The following ADGB variants were observed in gnomAD, a reference collection of about 807,000 sequenced individuals.
ADGB encodes the protein androglobin, also known as calpain-7-like protein.
In ADGB, 172 loss-of-function variants were observed where a neutral mutation model predicts 210.5. The ratio of observed to expected loss-of-function variants is 0.82; its 90% confidence interval spans 0.72 to 0.93. The LOEUF is 0.93. Among genes scored for constraint, ADGB ranks in the 40% least tolerant of loss-of-function variants. The probability of loss-of-function intolerance (pLI) is 0.00; values close to 1 mark genes in which losing one functional copy is unlikely to be tolerated. For missense variants in ADGB, 2,025 were observed against 1,964.8 expected (o/e 1.03, Z -0.58); for synonymous variants, 658 against 662.7 (o/e 0.99, Z 0.11).
At chr6:146,650,597 C>CAAAAAAAAAAAAAA (rs57913607) in intron 3 of ADGB, among the ~76,000 whole-genome samples, 1 of 36,534 alleles carries the variant, frequency 2.7e-5, no homozygotes, top group African/African-American at 1.3e-4. Context: ...TCCCTCCCAC[C>CAAAAAAAAAAAAAA]AAAAAAAAAA....
chr6:146,697,323 A>T (rs771636971), intron 12 of ADGB, among the ~76,000 whole-genome samples: 2 of 152,224 alleles, frequency 1.3e-5, no homozygotes, highest in Non-Finnish European at 2.9e-5. Flanking sequence ...TTAATGCAGC[A>T]ATAGGTGGCT....
intron 1 of ADGB, among the ~76,000 whole-genome samples, chr6:146,624,993 T>A (rs1780951627): frequency 6.6e-6 from 1 of 151,958 alleles, no homozygotes; most frequent in African/African-American, 2.4e-5. Flanking sequence ...TAAATTATGG[T>A]TTATCTTGAT....
intron 29 of ADGB, among the ~76,000 whole-genome samples, chr6:146,780,267 G>A (rs1293724725): frequency 6.6e-6 from 1 of 151,822 alleles, no homozygotes; most frequent in African/African-American, 2.4e-5. Context: ...GAATTAAAAA[G>A]TAAACAGTAG....
At chr6:146,673,363 T>C (rs945368897) in intron 8 of ADGB, among the ~76,000 whole-genome samples, 2 of 152,176 alleles carry the variant, frequency 1.3e-5, no homozygotes, top group African/African-American at 4.8e-5. Context: ...GCCTTGTTAT[T>C]CTTAAGATGG....
At chr6:146,646,913 A>C (rs7747164) in intron 3 of ADGB, among the ~76,000 whole-genome samples, 47,105 of 151,678 alleles carry the variant, frequency 0.31, 8,139 homozygotes, top group Middle Eastern at 0.41. Flanking sequence ...ACATGGCAAA[A>C]TTCCATCTCC....
chr6:146,690,097 A>G (rs1195634522), intron 10 of ADGB, among the ~76,000 whole-genome samples: 2 of 152,160 alleles, frequency 1.3e-5, no homozygotes, highest in African/African-American at 2.4e-5. Context: ...TAAAATTATT[A>G]TCCTGATCTT....
At chr6:146,604,840 C>A (rs375379364) in intron 1 of ADGB, among the ~76,000 whole-genome samples, 2 of 152,034 alleles carry the variant, frequency 1.3e-5, no homozygotes, top group African/African-American at 4.8e-5. Flanking sequence ...AGGAATCATG[C>A]GTTGGTGTGG....
intron 27 of ADGB, 58 bp downstream of exon 27, chr6:146,752,772 A>C: frequency 7.1e-7 from 1 of 1,400,874 alleles, no homozygotes. Context: ...TTATGTTTTC[A>C]TGACACTTTA....
intron 27 of ADGB, among the ~76,000 whole-genome samples, chr6:146,760,907 G>A (rs961530011): frequency 1.3e-5 from 2 of 151,784 alleles, no homozygotes; most frequent in Non-Finnish European, 2.9e-5. Flanking sequence ...ATTGATTGAA[G>A]GATTTATTCA....
intron 29 of ADGB, among the ~76,000 whole-genome samples, chr6:146,781,529 A>G (rs916433574): frequency 2.0e-5 from 3 of 151,978 alleles, no homozygotes; most frequent in African/African-American, 7.2e-5. Flanking sequence ...TATAGCTACA[A>G]ATGCTTGTAT....
chr6:146,685,776 C>T lies in ADGB; in HGVS notation c.1259C>T (p.Thr420Ile). 1.3e-6 allele frequency: 2 copies of T among 1,541,954 alleles called. No homozygotes were observed. Among genetic ancestry groups the T allele is most frequent in the Non-Finnish European group, 1.7e-6 (2 of 1,142,870 alleles). The part of the protein sequence containing the change: ...IQTSHMVVYA[T>I]FTPLYLFENK... ...ACCTCTCATATGGTCGTATATGCGA[C>T]ATTTACACCTCTTTATTTGTTTGAA... The change falls in exon 10 of 36, where the codon ACA becomes ATA. Residue 420 changes from threonine to isoleucine, a missense_variant. Coordinates refer to ENST00000397944, the MANE Select transcript of ADGB (RefSeq NM_024694.4).
At chr6:146,693,651 G>T (rs1222097675) in intron 12 of ADGB, among the ~76,000 whole-genome samples, 1 of 152,100 alleles carries the variant, frequency 6.6e-6, no homozygotes, top group African/African-American at 2.4e-5. Flanking sequence ...CTTTCAAATA[G>T]GCTTTCTCAT....
intron 35 of ADGB, among the ~76,000 whole-genome samples, chr6:146,812,333 T>C (rs1778314962): frequency 6.6e-6 from 1 of 152,154 alleles, no homozygotes; most frequent in Non-Finnish European, 1.5e-5. Flanking sequence ...TGTCTCGAGA[T>C]TTGTTAAGCT....
rs1397905987 is a variant in ADGB, at chr6:146,737,692, C to T, written c.2888+1101C>T. 2.0e-5 allele frequency among the ~76,000 whole-genome samples: 3 copies of T among 152,088 alleles called. No homozygotes were observed. In the East Asian group the frequency reaches 5.8e-4, roughly 29 times the overall value. On this transcript the variant is annotated intron_variant, in intron 23 of 35. Coordinates refer to ENST00000397944, the MANE Select transcript of ADGB (RefSeq NM_024694.4). ...AACCTGCTTTTGTATTTTGGGGCTA[C>T]CAGGAGGAGATCTCTAGGTCAGATC...
Position 146,683,592 on chromosome 6 carries a change from A to C in ADGB, c.1217-2142A>C, listed in dbSNP as rs572986127. Among the ~76,000 whole-genome samples the C allele has an allele frequency of 2.6e-5, 4 of 152,154 alleles. No individual in the cohort carries two copies. In the East Asian group the frequency reaches 7.7e-4, roughly 29 times the overall value. On this transcript the variant is annotated intron_variant, in intron 9 of 35. Transcript: ENST00000397944. Reference sequence around the variant, plus strand: ...CATGTAAAATGTGTGATTATCCTAAAATTTGGAGCAAATTTTTTTGTCATC... The same window carrying C: ...CATGTAAAATGTGTGATTATCCTAACATTTGGAGCAAATTTTTTTGTCATC...
chr6:146,721,529 T>G, intron 17 of ADGB, 24 bp downstream of exon 17: 1 of 913,488 alleles, frequency 1.1e-6, no homozygotes, highest in Non-Finnish European at 1.5e-6. Context: ...GAGAAAATGA[T>G]AGCCTTAAAG....
At chr6:146,736,441 G>A (rs910721372) in intron 22 of ADGB, 57 bp from the exon 23 acceptor site, 105 of 1,133,330 alleles carry the variant, frequency 9.3e-5, no homozygotes, top group Admixed American at 1.6e-4. Flanking sequence ...CTTTGGACAA[G>A]ATGATCTTTC....
chr6:146,623,864 G>A (rs1200607887), intron 1 of ADGB, among the ~76,000 whole-genome samples: 2 of 151,738 alleles, frequency 1.3e-5, no homozygotes, highest in Non-Finnish European at 3.0e-5. Context: ...TTGTTAATAG[G>A]ATGAATTACA....
At chr6:146,787,064 A>C (rs1375357408) in intron 32 of ADGB, among the ~76,000 whole-genome samples, 1 of 152,158 alleles carries the variant, frequency 6.6e-6, no homozygotes, top group Admixed American at 6.5e-5. Flanking sequence ...TTTGATATCA[A>C]GTGGGGAAGG....
Sources: gnomAD v4.1 joint callset for allele counts (sites outside exome capture counted in the v4.1 genomes callset) on GRCh38, gnomAD v4.1.1 for gene constraint, MANE v1.5 for transcripts, NCBI Gene and HGNC (gene_info 2026-07-23, HGNC 2026-07-21) for gene names.